SLC16A7: variants seen among roughly 807,000 people sequenced by gnomAD.
SLC16A7 encodes the protein monocarboxylate transporter 2.
A neutral mutation model predicts 34.9 loss-of-function variants in SLC16A7; 33 were observed. That is an observed-to-expected ratio of 0.94 (90% CI 0.72 to 1.26). The LOEUF (loss-of-function observed/expected upper bound fraction) is 1.26, where lower values mean the gene tolerates loss of function less well. SLC16A7 is among the 50% of genes most tolerant of loss of function. SLC16A7 has a pLI of 0.00. For missense variants in SLC16A7, 573 were observed against 578.1 expected, an observed-to-expected ratio of 0.99 and a Z score of 0.09; for synonymous variants, 201 against 206.6, an observed-to-expected ratio of 0.97 and a Z score of 0.23.
At chr12:59,747,918 A>T (rs958670581) in intron 3 of SLC16A7, among the ~76,000 whole-genome samples, 1 of 152,186 alleles carries the variant, frequency 6.6e-6, no homozygotes, top group Non-Finnish European at 1.5e-5. Context: ...AAACAGAATC[A>T]TAGGCCACGC....
rs1472526970 is a variant in SLC16A7 at position 59,788,509 on chromosome 12, T to C, written c.*8830T>C. On this transcript the variant is annotated 3_prime_UTR_variant, in exon 6 of 6. Coordinates refer to ENST00000547379, the MANE Select transcript of SLC16A7 (RefSeq NM_001270623.2). ...ATAGTTTTGCTTGACACCTAAATGA[T>C]CCAAACAGTTGTTTTTACATGACTT... 6.6e-6 allele frequency: 1 copy of C among 152,056 alleles called. No individual in the cohort carries two copies. The highest frequency in any genetic ancestry group is 1.5e-5 in the Non-Finnish European group (1 of 67,938). The allele number at this position is 152,056 out of a possible 1,614,324, so 9.4% of individuals were successfully genotyped here. A position where few individuals can be genotyped will look rare whatever the true frequency, so the allele number is the denominator to read the frequency against.
intron 1 of SLC16A7, among the ~76,000 whole-genome samples, chr12:59,607,648 A>G (rs940191824): frequency 8.5e-5 from 13 of 152,234 alleles, no homozygotes; most frequent in African/African-American, 2.9e-4. Flanking sequence ...TTTTCATAAC[A>G]TGAGGGAATG....
At chr12:59,725,764 G>A (rs374012469) in intron 3 of SLC16A7, among the ~76,000 whole-genome samples, 11 of 151,938 alleles carry the variant, frequency 7.2e-5, no homozygotes, top group African/African-American at 2.7e-4. Context: ...GTATTCTTTG[G>A]CCATGCTACT....
intron 1 of SLC16A7, among the ~76,000 whole-genome samples, chr12:59,643,883 GT>G (rs1880791446): frequency 6.6e-6 from 1 of 152,120 alleles, no homozygotes; most frequent in Non-Finnish European, 1.5e-5. Context: ...CGGTATTTCA[GT>G]TTTGGAGAGT....
intron 2 of SLC16A7, among the ~76,000 whole-genome samples, chr12:59,658,074 G>A (rs1032879386): frequency 6.6e-6 from 1 of 151,920 alleles, no homozygotes; most frequent in Non-Finnish European, 1.5e-5. Context: ...AAATACAAGG[G>A]ATACCATCCC....
At position 59,596,061 on chromosome 12, in the gene SLC16A7, C is replaced by G. The variant is rs1878375598; in HGVS notation, c.-305C>G. The G allele has an allele frequency of 6.6e-6, 1 of 151,384 alleles. No homozygotes were observed. The highest frequency in any genetic ancestry group is 1.5e-5 in the Non-Finnish European group (1 of 67,954). The allele number at this position is 151,384 out of a possible 1,614,324, so 9.4% of individuals were successfully genotyped here. On this transcript the variant is annotated 5_prime_UTR_variant, in exon 1 of 6. Transcript: ENST00000547379. The surrounding 1 kb of genome is among the most constrained non-coding windows in gnomAD (Gnocchi z 5.0). ...CGCACCCACAAGGGCGTTCAGCAGCCGCGCCTCCCCTTCCCGCCACCGCCT... is the reference window on the plus strand; with the variant it reads ...CGCACCCACAAGGGCGTTCAGCAGCGGCGCCTCCCCTTCCCGCCACCGCCT...
At chr12:59,712,001 G>A (rs1475837630) in intron 3 of SLC16A7, among the ~76,000 whole-genome samples, 1 of 152,324 alleles carries the variant, frequency 6.6e-6, no homozygotes, top group African/African-American at 2.4e-5. Flanking sequence ...CAGCCTATTT[G>A]CCATTTTACC....
At chr12:59,615,521 G>A (rs1460559770) in intron 1 of SLC16A7, among the ~76,000 whole-genome samples, 1 of 152,090 alleles carries the variant, frequency 6.6e-6, no homozygotes, top group African/African-American at 2.4e-5. Context: ...ATTAAAAAGA[G>A]GCACATGGAG....
chr12:59,685,039 G>T (rs1231173429), intron 2 of SLC16A7, among the ~76,000 whole-genome samples: 1 of 152,072 alleles, frequency 6.6e-6, no homozygotes, highest in African/African-American at 2.4e-5. Flanking sequence ...ATCTTGACTA[G>T]TACAGGAAGG....
intron 1 of SLC16A7, among the ~76,000 whole-genome samples, chr12:59,636,498 T>C (rs925605200): frequency 1.3e-5 from 2 of 152,252 alleles, no homozygotes; most frequent in South Asian, 4.1e-4. Flanking sequence ...AAATTCTCAC[T>C]GTGTTGCCCA....
chr12:59,648,029 G>C (rs1398182694), intron 1 of SLC16A7, among the ~76,000 whole-genome samples: 1 of 152,134 alleles, frequency 6.6e-6, no homozygotes, highest in East Asian at 1.9e-4. Context: ...ACTCCAACCT[G>C]GGTGACAGAG....
intron 1 of SLC16A7, among the ~76,000 whole-genome samples, chr12:59,633,857 T>C (rs1258015879): frequency 6.6e-6 from 1 of 151,986 alleles, no homozygotes; most frequent in East Asian, 1.9e-4. Context: ...AACCACCCCA[T>C]GATCCATCAA....
chr12:59,617,830 A>G (rs1394736190), intron 1 of SLC16A7, among the ~76,000 whole-genome samples: 1 of 152,022 alleles, frequency 6.6e-6, no homozygotes, highest in Non-Finnish European at 1.5e-5. Context: ...TATTATTGAT[A>G]GAATCACTCT....
At chr12:59,718,917 T>A (rs1437986111) in intron 3 of SLC16A7, among the ~76,000 whole-genome samples, 3 of 152,180 alleles carry the variant, frequency 2.0e-5, no homozygotes, top group Non-Finnish European at 2.9e-5. Flanking sequence ...ATTAGATGTT[T>A]TAACATTTAG....
At chr12:59,762,045 C>A (rs569818665) in intron 3 of SLC16A7, among the ~76,000 whole-genome samples, 1 of 152,186 alleles carries the variant, frequency 6.6e-6, no homozygotes, top group East Asian at 1.9e-4. Flanking sequence ...CCACGATATA[C>A]AATGAGTGGT....
At chr12:59,651,854 G>T (rs1303167159) in intron 1 of SLC16A7, among the ~76,000 whole-genome samples, 1 of 152,016 alleles carries the variant, frequency 6.6e-6, no homozygotes. Context: ...GAAGGGAAAA[G>T]CAAAAAAGAT....
intron 3 of SLC16A7, among the ~76,000 whole-genome samples, chr12:59,744,544 T>C (rs1878681946): frequency 6.6e-6 from 1 of 152,138 alleles, no homozygotes; most frequent in Non-Finnish European, 1.5e-5. Flanking sequence ...TGCAACCTGA[T>C]TTTTCCTGGA....
intron 1 of SLC16A7, among the ~76,000 whole-genome samples, chr12:59,606,587 A>T (rs575225465): frequency 6.6e-6 from 1 of 152,308 alleles, no homozygotes; most frequent in East Asian, 1.9e-4. Context: ...GGACTCAGCA[A>T]GGTGAGGCTG....
intron 3 of SLC16A7, among the ~76,000 whole-genome samples, chr12:59,730,967 A>T (rs1475868571): frequency 1.3e-5 from 2 of 152,198 alleles, no homozygotes; most frequent in East Asian, 1.9e-4. Context: ...TTGTCACTCT[A>T]TAAAATAAAT....
Sources: allele counts gnomAD v4.1 joint callset (sites outside exome capture counted in the v4.1 genomes callset), GRCh38; gene constraint gnomAD v4.1.1; non-coding constraint Gnocchi (gnomAD v3.1); transcripts MANE v1.5; gene names NCBI Gene and HGNC (gene_info 2026-07-23, HGNC 2026-07-21).